ADK: variants seen among roughly 807,000 people sequenced by gnomAD.
ADK encodes the protein adenosine kinase, also known as N6,N6-dimethyladenosine kinase.
Under a neutral mutation model 44.7 loss-of-function variants are expected in ADK, and 24 were observed. That is an observed-to-expected ratio of 0.54 (90% CI 0.39 to 0.76). ADK has a LOEUF of 0.76. ADK is among the 30% of genes least tolerant of loss of function. The pLI is 0.00. For synonymous variants in ADK, 128 were observed against 142.6 expected (o/e 0.90, Z 0.73); for missense variants, 321 against 425.1 (o/e 0.76, Z 2.15).
intron 6 of ADK, among the ~76,000 whole-genome samples, chr10:74,455,789 G>A (rs781473264): frequency 1.3e-5 from 2 of 152,118 alleles, no homozygotes; most frequent in Non-Finnish European, 2.9e-5. Context: ...GATTACAGGC[G>A]TGAAAATTCT....
At chr10:74,400,931 T>TA (rs1843684460) in intron 6 of ADK, among the ~76,000 whole-genome samples, 1 of 152,206 alleles carries the variant, frequency 6.6e-6, no homozygotes, top group African/African-American at 2.4e-5. Context: ...ATTTACTGAG[T>TA]AAGTTCACAC....
In ADK at chr10:74,708,389, A is replaced by G; in HGVS notation, c.1033A>G (p.Ser345Gly). 1 of 1,613,080 alleles carries G rather than the reference A, an allele frequency of 6.2e-7. No homozygotes were observed. The highest frequency in any genetic ancestry group is 8.5e-7 in the Non-Finnish European group (1 of 1,179,692). The change falls in exon 11 of 11, where the codon AGC becomes GGC. Residue 345 changes from serine (S) to glycine (G), a missense_variant. Coordinates refer to ENST00000539909, the MANE Select transcript of ADK (RefSeq NM_006721.4). ...ECIRAGHYAA[S>G]IIIRRTGCTF... ...TATCCGTGCTGGCCACTATGCAGCA[A>G]GCATCATAATTAGACGGACTGGCTG...
intron 2 of ADK, among the ~76,000 whole-genome samples, chr10:74,211,893 G>A (rs1405960485): frequency 6.6e-6 from 1 of 151,892 alleles, no homozygotes; most frequent in African/African-American, 2.4e-5. Context: ...TATCTATTGT[G>A]TATATGATAT....
chr10:74,243,010 G>C (rs532608858), intron 3 of ADK, among the ~76,000 whole-genome samples: 15 of 152,300 alleles, frequency 9.8e-5, no homozygotes, highest in African/African-American at 2.6e-4. Context: ...TACTGGACAA[G>C]AACTCAGAAC....
chr10:74,267,414 A>G (rs1160453847), intron 3 of ADK, among the ~76,000 whole-genome samples: 1 of 152,160 alleles, frequency 6.6e-6, no homozygotes, highest in East Asian at 1.9e-4. Flanking sequence ...GGATCCCTCA[A>G]AGATACTGAG....
chr10:74,583,847 G>C (rs947181526), intron 7 of ADK, among the ~76,000 whole-genome samples: 6 of 152,154 alleles, frequency 3.9e-5, no homozygotes, highest in Non-Finnish European at 7.3e-5. Flanking sequence ...CAGGTTTGTA[G>C]TCATCTTGCT....
In ADK at chr10:74,171,808, C is replaced by CTGTG. The variant is rs548797359; in HGVS notation, c.65+20466_65+20467insGTGT. 3.8e-3 allele frequency among the ~76,000 whole-genome samples: 546 copies of CTGTG among 142,608 alleles called. 1 individual carries two copies. The highest frequency in any genetic ancestry group is 5.5e-3 in the Non-Finnish European group (367 of 66,392). 93.6% of individuals were successfully genotyped at this position (142,608 alleles called of 152,430 possible). ...ACTCTCTTTCTGTCTCTCTCTGTCTCTCTGTGTGTGTGTGTGTGTGTGTGT... is the reference window on the plus strand; with the variant it reads ...ACTCTCTTTCTGTCTCTCTCTGTCTCTGTGTCTGTGTGTGTGTGTGTGTGTGTGT... On this transcript the variant is annotated intron_variant, in intron 1 of 10. Coordinates refer to ENST00000539909, the MANE Select transcript of ADK (RefSeq NM_006721.4).
intron 2 of ADK, among the ~76,000 whole-genome samples, chr10:74,201,151 A>G (rs1263677504): frequency 2.0e-5 from 3 of 152,256 alleles, no homozygotes; most frequent in South Asian, 2.1e-4. Flanking sequence ...AGCTACGTCT[A>G]TAATGGTATC....
At chr10:74,469,288 G>A (rs1012277231) in intron 6 of ADK, among the ~76,000 whole-genome samples, 4 of 152,200 alleles carry the variant, frequency 2.6e-5, no homozygotes, top group African/African-American at 9.6e-5. Flanking sequence ...GCGGTGAACT[G>A]TGATTGCACC....
intron 7 of ADK, among the ~76,000 whole-genome samples, chr10:74,555,032 C>T (rs2133796897): frequency 6.6e-6 from 1 of 152,242 alleles, no homozygotes; most frequent in African/African-American, 2.4e-5. Flanking sequence ...CACGGTGGCT[C>T]ACGCCTGTAA....
At chr10:74,651,197 T>G (rs1854258555) in intron 9 of ADK, among the ~76,000 whole-genome samples, 1 of 152,152 alleles carries the variant, frequency 6.6e-6, no homozygotes, top group African/African-American at 2.4e-5. Context: ...TATGGCCTAT[T>G]TTGACACAGG....
intron 6 of ADK, among the ~76,000 whole-genome samples, chr10:74,459,904 A>C (rs1460165592): frequency 6.6e-6 from 1 of 152,120 alleles, no homozygotes; most frequent in East Asian, 1.9e-4. Flanking sequence ...AAAAGAAAAA[A>C]GTATCCAAAT....
intron 2 of ADK, among the ~76,000 whole-genome samples, chr10:74,218,626 G>A (rs1043660366): frequency 9.2e-5 from 14 of 152,194 alleles, no homozygotes; most frequent in East Asian, 1.9e-4. Context: ...GAGAAAGGTC[G>A]GGTTACCCAC....
intron 9 of ADK, among the ~76,000 whole-genome samples, chr10:74,630,483 A>G (rs71473745): frequency 0.029 from 4,361 of 152,126 alleles, 80 homozygotes; most frequent in Non-Finnish European, 0.044. Context: ...CAGTTATTTT[A>G]TAGAATGTCT....
intron 4 of ADK, among the ~76,000 whole-genome samples, chr10:74,316,938 G>A (rs1329700081): frequency 6.6e-6 from 1 of 151,802 alleles, no homozygotes; most frequent in African/African-American, 2.4e-5. Context: ...ACGTATTCTA[G>A]TAGTGGTTTA....
At chr10:74,202,875 T>C (rs1159041034) in intron 2 of ADK, among the ~76,000 whole-genome samples, 1 of 152,248 alleles carries the variant, frequency 6.6e-6, no homozygotes, top group African/African-American at 2.4e-5. Context: ...TAGCATATGA[T>C]TTGCAAACAT....
rs554355414 is a variant in ADK at position 74,353,566 on chromosome 10, A to C, written c.273+38821A>C. On this transcript the variant is annotated intron_variant, in intron 4 of 10. Coordinates refer to ENST00000539909, the MANE Select transcript of ADK (RefSeq NM_006721.4). ...TTCTGCACATATATCCCAGAACTTA[A>C]AGTTAAAAAAAAAAAAAAAAAGCCA... Among the ~76,000 whole-genome samples the C allele has an allele frequency of 5.2e-5, 6 of 115,886 alleles. No individual in the cohort carries two copies. In the East Asian group the frequency reaches 1.3e-3, roughly 25 times the overall value. 76.0% of individuals were successfully genotyped at this position (115,886 alleles called of 152,430 possible). A position where few individuals can be genotyped will look rare whatever the true frequency, so the allele number is the denominator to read the frequency against.
chr10:74,600,581 A>G, intron 9 of ADK, 88 bp downstream of exon 9: 1 of 556,222 alleles, frequency 1.8e-6, no homozygotes. Flanking sequence ...ATTATAATAT[A>G]TACAATATAC....
intron 6 of ADK, among the ~76,000 whole-genome samples, chr10:74,399,485 T>C (rs1317444577): frequency 6.6e-6 from 1 of 151,924 alleles, no homozygotes; most frequent in African/African-American, 2.4e-5. Flanking sequence ...TTGATTCCTC[T>C]GTATACCAAA....
Sources: allele counts gnomAD v4.1 joint callset (sites outside exome capture counted in the v4.1 genomes callset), GRCh38; gene constraint gnomAD v4.1.1; transcripts MANE v1.5; gene names NCBI Gene and HGNC (gene_info 2026-07-23, HGNC 2026-07-21).